The following NRXN1 variants were observed in gnomAD, a reference collection of about 807,000 sequenced individuals.
NRXN1 encodes neurexin 1, also known as neurexin-1.
In NRXN1, 39 loss-of-function variants were observed where a neutral mutation model predicts 150.9. That is an observed-to-expected ratio of 0.26 (90% CI 0.20 to 0.34). The LOEUF is 0.34. NRXN1 is among the 10% of genes least tolerant of loss of function. NRXN1 has a pLI of 1.00. For synonymous variants in NRXN1, 924 were observed against 757.0 expected (o/e 1.22, Z -3.62); for missense variants, 1,815 against 1,949.9 (o/e 0.93, Z 1.30).
chr2:50,740,294 C>T (rs1699275912), intron 5 of NRXN1, among the ~76,000 whole-genome samples: 1 of 152,118 alleles, frequency 6.6e-6, no homozygotes, highest in Non-Finnish European at 1.5e-5. Context: ...AGGAAAACTG[C>T]TGGGGAACTT....
chr2:50,180,398 G>C (rs1204010238), intron 18 of NRXN1, among the ~76,000 whole-genome samples: 1 of 152,054 alleles, frequency 6.6e-6, no homozygotes, highest in Non-Finnish European at 1.5e-5. Context: ...CCTTGCTAGT[G>C]TTCCAGCATG....
chr2:50,552,740 T>A lies in NRXN1; in HGVS notation c.1606A>T (p.Ile536Leu). 6.2e-7 allele frequency: 1 copy of A among 1,613,994 alleles called. No homozygotes were observed. Among genetic ancestry groups the A allele is most frequent in the Non-Finnish European group, 8.5e-7 (1 of 1,179,884 alleles). Residue 536 changes from isoleucine to leucine, a missense_variant, in exon 9 of 23, where the codon ATA (isoleucine) becomes TTA (leucine). This residue lies in a region of NRXN1 where 638 missense variants were observed against 652.6 expected (regional missense o/e 0.98). Coordinates refer to ENST00000401669, the MANE Select transcript of NRXN1 (RefSeq NM_001330078.2). Reference sequence around the variant, plus strand: ...TCAATAGCAAAGAAGTCCACCTTTATCATCTGTGGGTGCTTGGCATCTTTC... The same window carrying A: ...TCAATAGCAAAGAAGTCCACCTTTAACATCTGTGGGTGCTTGGCATCTTTC... ...HQKDAKHPQM[I>L]KVDFFAIEML...
chr2:50,631,136 CTACG>C, intron 5 of NRXN1: 1 of 445,130 alleles, frequency 2.2e-6, no homozygotes, highest in Non-Finnish European at 4.5e-6. Context: ...ATTAGATTTT[CTACG>C]TAATATATGT....
At chr2:50,440,671 A>G (rs1453297191) in intron 17 of NRXN1, among the ~76,000 whole-genome samples, 2 of 152,010 alleles carry the variant, frequency 1.3e-5, no homozygotes, top group Non-Finnish European at 2.9e-5. Flanking sequence ...TTTTTGTTGC[A>G]TTGCTGCCTC....
intron 2 of NRXN1, among the ~76,000 whole-genome samples, chr2:50,972,842 T>C (rs539825328): frequency 1.3e-4 from 20 of 152,240 alleles, no homozygotes; most frequent in Admixed American, 2.6e-4. Context: ...AAATACCTGG[T>C]TCTCTGGGGG....
intron 6 of NRXN1, among the ~76,000 whole-genome samples, chr2:50,621,621 T>C (rs1196207426): frequency 1.3e-5 from 2 of 152,056 alleles, no homozygotes; most frequent in Non-Finnish European, 2.9e-5. Context: ...GCCTAAAGCG[T>C]TTCAGCTGAC....
chr2:50,613,329 C>T (rs1014102450), intron 8 of NRXN1, among the ~76,000 whole-genome samples: 17 of 152,262 alleles, frequency 1.1e-4, no homozygotes, highest in African/African-American at 4.1e-4. Flanking sequence ...CTAGTGCTCA[C>T]TAGGCTGTAC....
At chr2:50,628,444 C>T (rs1681588884) in intron 5 of NRXN1, among the ~76,000 whole-genome samples, 1 of 151,738 alleles carries the variant, frequency 6.6e-6, no homozygotes, top group South Asian at 2.1e-4. Flanking sequence ...TAAATCTAAG[C>T]AGGGAAAATA....
intron 5 of NRXN1, among the ~76,000 whole-genome samples, chr2:50,647,501 C>T (rs1041229494): frequency 4.6e-5 from 7 of 151,996 alleles, no homozygotes; most frequent in South Asian, 4.1e-4. Flanking sequence ...TTACAACATT[C>T]GACACTGCTT....
At chr2:50,692,109 T>A (rs1388381034) in intron 5 of NRXN1, among the ~76,000 whole-genome samples, 1 of 150,548 alleles carries the variant, frequency 6.6e-6, no homozygotes, top group African/African-American at 2.4e-5. Flanking sequence ...CCTTGCTAAT[T>A]TCCCCTCCTT....
intron 5 of NRXN1, among the ~76,000 whole-genome samples, chr2:50,756,722 A>G (rs946633960): frequency 1.3e-5 from 2 of 151,832 alleles, no homozygotes; most frequent in Non-Finnish European, 2.9e-5. Context: ...GGAATAGAAA[A>G]AATTTCTCAT....
At chr2:50,592,413 G>T (rs1439441230) in intron 8 of NRXN1, among the ~76,000 whole-genome samples, 111 of 152,274 alleles carry the variant, frequency 7.3e-4, no homozygotes, top group Non-Finnish European at 1.5e-5. Context: ...GAGAAAAGTA[G>T]TAGGCCATGT....
chr2:49,971,257 C>A (rs944533129), intron 21 of NRXN1, among the ~76,000 whole-genome samples: 1 of 152,086 alleles, frequency 6.6e-6, no homozygotes, highest in Non-Finnish European at 1.5e-5. Flanking sequence ...TCAATGCACC[C>A]AGATGCTGTG....
At chr2:50,108,172 T>C (rs1358125660) in intron 18 of NRXN1, among the ~76,000 whole-genome samples, 2 of 151,998 alleles carry the variant, frequency 1.3e-5, no homozygotes, top group African/African-American at 2.4e-5. Flanking sequence ...TCCATAAAAT[T>C]AAAACAAAAT....
intron 17 of NRXN1, among the ~76,000 whole-genome samples, chr2:50,333,436 A>G (rs2076959722): frequency 6.6e-6 from 1 of 152,190 alleles, no homozygotes. Context: ...AATGAAAATG[A>G]ACCAAACATC....
intron 8 of NRXN1, among the ~76,000 whole-genome samples, chr2:50,575,567 T>C (rs1391134882): frequency 6.6e-6 from 1 of 152,228 alleles, no homozygotes; most frequent in Non-Finnish European, 1.5e-5. Flanking sequence ...TATTGCCTAA[T>C]TTTATTAGAT....
chr2:50,091,513 A>T lies in NRXN1; in HGVS notation c.3547-19T>A, dbSNP rs755479395. The T allele has an allele frequency of 4.3e-6, 7 of 1,613,484 alleles. No individual in the cohort carries two copies. Among genetic ancestry groups the T allele is most frequent in the Non-Finnish European group, 5.9e-6 (7 of 1,179,588 alleles). On this transcript the variant is annotated intron_variant, in intron 18 of 22. Coordinates refer to ENST00000401669, the MANE Select transcript of NRXN1 (RefSeq NM_001330078.2). ...CCTGGTGCTGTAAGAGAGGAGGGGA[A>T]AAAAGAGTTGAATTAAGTTGACTAG...
At chr2:50,152,520 G>C (rs977981726) in intron 18 of NRXN1, among the ~76,000 whole-genome samples, 5 of 151,718 alleles carry the variant, frequency 3.3e-5, no homozygotes, top group African/African-American at 1.2e-4. Flanking sequence ...GTTTCCCGCA[G>C]CTTTTATTTA....
intron 2 of NRXN1, among the ~76,000 whole-genome samples, chr2:50,949,176 A>G (rs1399256546): frequency 2.0e-5 from 3 of 152,064 alleles, no homozygotes; most frequent in Non-Finnish European, 2.9e-5. Flanking sequence ...TTATATACAT[A>G]AATTTTATTA....
Sources: allele counts gnomAD v4.1 joint callset (sites outside exome capture counted in the v4.1 genomes callset), GRCh38; gene constraint gnomAD v4.1.1; regional missense constraint gnomAD v4.1.1; transcripts MANE v1.5; gene names NCBI Gene and HGNC (gene_info 2026-07-23, HGNC 2026-07-21).